Variants in WAPL observed in about 807,000 individuals in gnomAD.
WAPL encodes WAPL cohesin release factor.
WAPL carries 5 observed loss-of-function variants against 121.0 expected under a neutral mutation model. The ratio of observed to expected loss-of-function variants is 0.04; its 90% CI spans 0.02 to 0.09. WAPL has a LOEUF of 0.09. WAPL is among the 10% of genes least tolerant of loss of function. WAPL has a pLI of 1.00. For missense variants in WAPL, 999 were observed against 1,410.8 expected, an observed-to-expected ratio of 0.71 and a Z score of 4.68; for synonymous variants, 480 against 481.5, an observed-to-expected ratio of 1.00 and a Z score of 0.04.
rs112686761 is a variant in WAPL at position 86,483,160 on chromosome 10, C to T, written c.1645-9187G>A. Among the ~76,000 whole-genome samples the T allele has an allele frequency of 1.6e-3, 243 of 152,268 alleles. 1 individual carries two copies. The highest frequency in any genetic ancestry group is 5.6e-3 in the African/African-American group (231 of 41,552). On this transcript the variant is annotated intron_variant, in intron 4 of 18. Coordinates refer to ENST00000298767, the MANE Select transcript of WAPL (RefSeq NM_015045.5). ...TACATGCCAGGTGCGGTGGCTCACG[C>T]CTGTAATCCTAGCATTTTGGGAGGC... is the stretch of plus-strand genomic sequence containing the variant.
In WAPL at chr10:86,477,303, A is replaced by C. The variant is rs1372937380; in HGVS notation, c.1645-3330T>G. Among the ~76,000 whole-genome samples, 3 of 152,236 alleles carry C rather than the reference A, an allele frequency of 2.0e-5. No individual in the cohort carries two copies. In the East Asian group the frequency reaches 5.8e-4, roughly 29 times the overall value. On this transcript the variant is annotated intron_variant, in intron 4 of 18. Transcript: ENST00000298767. ...TAAGTGAACTGTGTATGTAAAGCAC[A>C]AAACAGTGGTATGTCACAGGCTAAT... is the stretch of plus-strand genomic sequence containing the variant.
chr10:86,451,308 C>G (rs147500878), intron 15 of WAPL, among the ~76,000 whole-genome samples: 16 of 151,568 alleles, frequency 1.1e-4, no homozygotes, highest in African/African-American at 3.9e-4. Flanking sequence ...GTGATTATAA[C>G]AGTCGAAAAA....
Position 86,458,998 on chromosome 10 carries a change from G to T in WAPL, c.2648C>A (p.Ser883Ter). Reference protein sequence around the residue: ...IAYKDSQLIVSSAKALQHCEE... With the variant: ...IAYKDSQLIV Reference sequence around the variant, plus strand: ...TAAACAAAAAACTTACTTAGCTGATGAAACAATAAGTTGGGAATCTTTATA... The same window carrying T: ...TAAACAAAAAACTTACTTAGCTGATTAAACAATAAGTTGGGAATCTTTATA... The change falls in exon 12 of 19, where the codon TCA becomes TAA. Residue 883 changes from serine (S) to a stop codon, truncating the protein, a stop_gained. Coordinates refer to ENST00000298767, the MANE Select transcript of WAPL (RefSeq NM_015045.5). LOFTEE classifies it high-confidence loss of function. 6.2e-7 allele frequency: 1 copy of T among 1,607,630 alleles called. No individual in the cohort carries two copies. Among genetic ancestry groups the T allele is most frequent in the South Asian group, 1.1e-5 (1 of 89,348 alleles).
chr10:86,477,963 G>A (rs1467128937), intron 4 of WAPL, among the ~76,000 whole-genome samples: 1 of 151,780 alleles, frequency 6.6e-6, no homozygotes, highest in Admixed American at 6.6e-5. Flanking sequence ...ACTAAGGCAG[G>A]AGAATTGCTT....
intron 12 of WAPL, among the ~76,000 whole-genome samples, chr10:86,458,339 G>C (rs958035175): frequency 2.0e-5 from 3 of 152,128 alleles, no homozygotes; most frequent in African/African-American, 7.2e-5. Context: ...AATTTTACCT[G>C]CAAGGAGGTG....
chr10:86,465,418 C>G (rs894758030), intron 9 of WAPL, among the ~76,000 whole-genome samples: 3 of 152,172 alleles, frequency 2.0e-5, no homozygotes, highest in Non-Finnish European at 4.4e-5. Flanking sequence ...ATTGGCCAGA[C>G]TGGTCTCGAA....
intron 4 of WAPL, among the ~76,000 whole-genome samples, chr10:86,480,634 T>C (rs1166647072): frequency 2.9e-5 from 1 of 34,838 alleles, no homozygotes; most frequent in African/African-American, 7.9e-5. Context: ...TATAAATATC[T>C]TGAGACAACA....
At chr10:86,469,284 G>A (rs1347474621) in intron 8 of WAPL, among the ~76,000 whole-genome samples, 2 of 546 alleles carry the variant, frequency 3.7e-3, no homozygotes, top group African/African-American at 0.045. Flanking sequence ...ACGGAGTCTC[G>A]CTCTGTCGCC....
chr10:86,508,859 A>G (rs146523797), intron 2 of WAPL, among the ~76,000 whole-genome samples: 11,964 of 143,626 alleles, frequency 0.083, 847 homozygotes, highest in East Asian at 0.39. Context: ...AGTTCACGCC[A>G]TTCTCCTGCC....
At chr10:86,502,265 A>C (rs1041169679) in intron 2 of WAPL, among the ~76,000 whole-genome samples, 1 of 152,214 alleles carries the variant, frequency 6.6e-6, no homozygotes, top group African/African-American at 2.4e-5. Flanking sequence ...AGTTGTTAAA[A>C]AGAATGAGGC....
chr10:86,468,683 G>A (rs889637968), intron 8 of WAPL, among the ~76,000 whole-genome samples: 4 of 152,010 alleles, frequency 2.6e-5, no homozygotes, highest in South Asian at 2.1e-4. Context: ...TAAACCAATC[G>A]CCAGGCGTGG....
At chr10:86,485,308 C>A (rs956033016) in intron 4 of WAPL, among the ~76,000 whole-genome samples, 6 of 151,848 alleles carry the variant, frequency 4.0e-5, no homozygotes, top group Non-Finnish European at 7.4e-5. Context: ...ATTGGGAGGC[C>A]GAGGGAGGCG....
intron 4 of WAPL, among the ~76,000 whole-genome samples, chr10:86,476,687 TAA>T (rs34743479): frequency 1.5e-3 from 206 of 140,102 alleles, no homozygotes; most frequent in Non-Finnish European, 1.5e-3. Flanking sequence ...AGACTGTCTT[TAA>T]AAAAAAAAAA....
intron 1 of WAPL, among the ~76,000 whole-genome samples, chr10:86,519,219 A>T (rs1446200592): frequency 1.3e-5 from 2 of 152,234 alleles, no homozygotes; most frequent in Admixed American, 1.3e-4. Context: ...CCTATTAAAA[A>T]GTTATAGTAC....
At position 86,472,095 on chromosome 10, in the gene WAPL, C is replaced by T. The variant is rs532320675; in HGVS notation, c.2030+113G>A. The T allele has an allele frequency of 4.2e-6, 4 of 949,184 alleles. No individual in the cohort carries two copies. The highest frequency in any genetic ancestry group is 4.5e-6 in the Non-Finnish European group (3 of 665,148). 58.8% of individuals were successfully genotyped at this position (949,184 alleles called of 1,614,324 possible). On this transcript the variant is annotated intron_variant, in intron 7 of 18. Coordinates refer to ENST00000298767, the MANE Select transcript of WAPL (RefSeq NM_015045.5). The surrounding 1 kb of genome is among the most constrained non-coding windows in gnomAD (Gnocchi z 4.2). ...GCATTTTAACATATCACTGGCTATA[C>T]ATACTACCCCATCATAACAAAATAA...
intron 16 of WAPL, among the ~76,000 whole-genome samples, chr10:86,445,953 G>A (rs562066747): frequency 1.3e-5 from 2 of 152,132 alleles, no homozygotes; most frequent in South Asian, 4.1e-4. Context: ...ATCCTATTAT[G>A]TCTCCTATAT....
Position 86,471,078 on chromosome 10 carries a change from C to A in WAPL, c.2056G>T (p.Ala686Ser). Residue 686 changes from alanine to serine, a missense_variant, in exon 8 of 19, where the codon GCC becomes TCC. This residue lies in a region of WAPL where 118 missense variants were observed against 318.3 expected (regional missense o/e 0.37). Coordinates refer to ENST00000298767, the MANE Select transcript of WAPL (RefSeq NM_015045.5). ...AGGTGCATTCGAAAACTGGGCATGG[C>A]ACATTTAGTAGCCAAGCTAATAACA... ...LSVISLATKC[A>S]MPSFRMHLRA... 6.2e-7 allele frequency: 1 copy of A among 1,613,764 alleles called. No individual in the cohort carries two copies. The highest frequency in any genetic ancestry group is 2.2e-5 in the East Asian group (1 of 44,850).
rs1849334226 is a variant in WAPL, at chr10:86,436,789, T to C, written c.*754A>G. On this transcript the variant is annotated 3_prime_UTR_variant, in exon 19 of 19. Coordinates refer to ENST00000298767, the MANE Select transcript of WAPL (RefSeq NM_015045.5). Reference sequence around the variant, plus strand: ...TGCCTCCTCCTTTTAACAGGGCACATCATCTTATATAATATTCTCTCAAAC... The same window carrying C: ...TGCCTCCTCCTTTTAACAGGGCACACCATCTTATATAATATTCTCTCAAAC... 1 of 152,670 alleles carries C rather than the reference T, an allele frequency of 6.6e-6. No individual in the cohort carries two copies. The highest frequency in any genetic ancestry group is 1.5e-5 in the Non-Finnish European group (1 of 68,046). The allele number at this position is 152,670 out of a possible 1,614,324, so 9.5% of individuals were successfully genotyped here. A position where few individuals can be genotyped will look rare whatever the true frequency, so the allele number is the denominator to read the frequency against.
At chr10:86,469,003 C>G (rs1342257068) in intron 8 of WAPL, among the ~76,000 whole-genome samples, 1 of 151,956 alleles carries the variant, frequency 6.6e-6, no homozygotes, top group Non-Finnish European at 1.5e-5. Context: ...ACTCAGGAGG[C>G]TGAGGCAGGA....
Sources: allele counts gnomAD v4.1 joint callset (sites outside exome capture counted in the v4.1 genomes callset), GRCh38; gene constraint gnomAD v4.1.1; regional missense constraint gnomAD v4.1.1; non-coding constraint Gnocchi (gnomAD v3.1); transcripts MANE v1.5; gene names NCBI Gene and HGNC (gene_info 2026-07-23, HGNC 2026-07-21).